Variants in AGBL1 observed in about 807,000 individuals in gnomAD.
The protein encoded by AGBL1 is cytosolic carboxypeptidase 4.
Under a neutral mutation model 118.9 loss-of-function variants are expected in AGBL1, and 130 were observed. The observed-to-expected ratio is 1.09, with a 90% CI of 0.95 to 1.26. AGBL1 has a LOEUF of 1.26. AGBL1 is among the 50% of genes most tolerant of loss of function. The pLI is 0.00. For synonymous variants in AGBL1, 555 were observed against 478.9 expected (o/e 1.16, Z -2.08); for missense variants, 1,584 against 1,298.1 (o/e 1.22, Z -3.38).
chr15:86,093,076 A>G (rs151270424), intron 1 of AGBL1, among the ~76,000 whole-genome samples: 1 of 152,142 alleles, frequency 6.6e-6, no homozygotes, highest in Non-Finnish European at 1.5e-5. Context: ...CTCATCTAGG[A>G]TAACAAGAAC....
intron 19 of AGBL1, among the ~76,000 whole-genome samples, chr15:86,536,503 G>A (rs777740937): frequency 3.3e-5 from 5 of 152,118 alleles, no homozygotes; most frequent in Admixed American, 6.6e-5. Context: ...TAGAAACGGG[G>A]TTTCACCATG....
chr15:86,422,367 A>G (rs1175665694), intron 18 of AGBL1, among the ~76,000 whole-genome samples: 2 of 152,222 alleles, frequency 1.3e-5, no homozygotes, highest in Non-Finnish European at 2.9e-5. Flanking sequence ...TAACAAAAGT[A>G]AGGCAGAAAT....
chr15:86,683,489 T>G (rs12907962), intron 22 of AGBL1, among the ~76,000 whole-genome samples: 131,973 of 151,734 alleles, frequency 0.87, 57,681 homozygotes, highest in Middle Eastern at 0.93. Context: ...TAACCTAAAA[T>G]AATGCCTATT....
chr15:86,134,283 G>A (rs1341689390), intron 1 of AGBL1, among the ~76,000 whole-genome samples: 1 of 152,182 alleles, frequency 6.6e-6, no homozygotes, highest in Non-Finnish European at 1.5e-5. Context: ...CTGCATGACT[G>A]GAAGAACAAA....
At chr15:86,335,767 G>T (rs565303939) in intron 17 of AGBL1, among the ~76,000 whole-genome samples, 64 of 152,320 alleles carry the variant, frequency 4.2e-4, no homozygotes, top group African/African-American at 1.4e-3. Context: ...AAAGGAAACT[G>T]TAAGAAATGA....
intron 3 of AGBL1, among the ~76,000 whole-genome samples, chr15:86,147,843 C>T (rs2077053289): frequency 6.6e-6 from 1 of 152,220 alleles, no homozygotes; most frequent in African/African-American, 2.4e-5. Context: ...AACTGGGAGA[C>T]ACCTCCCAGT....
intron 17 of AGBL1, among the ~76,000 whole-genome samples, chr15:86,324,388 T>G (rs2080152470): frequency 6.6e-6 from 1 of 152,150 alleles, no homozygotes; most frequent in African/African-American, 2.4e-5. Flanking sequence ...GTGTTTCCCA[T>G]TATGGTGGAG....
At chr15:86,307,556 G>A (rs2079858898) in intron 17 of AGBL1, among the ~76,000 whole-genome samples, 1 of 152,024 alleles carries the variant, frequency 6.6e-6, no homozygotes, top group South Asian at 2.1e-4. Context: ...GGGAATAAAA[G>A]TGATGTGCCT....
At chr15:86,432,378 C>T (rs973901231) in intron 18 of AGBL1, among the ~76,000 whole-genome samples, 3 of 152,046 alleles carry the variant, frequency 2.0e-5, no homozygotes, top group Admixed American at 6.6e-5. Context: ...TTGATGACTT[C>T]GATAGTTTTG....
At chr15:86,337,203 A>G (rs2141874459) in intron 17 of AGBL1, among the ~76,000 whole-genome samples, 1 of 152,202 alleles carries the variant, frequency 6.6e-6, no homozygotes, top group East Asian at 1.9e-4. Context: ...CTGAGTTGCT[A>G]TTTGATTCTC....
chr15:86,628,511 T>C (rs115787800), intron 21 of AGBL1, among the ~76,000 whole-genome samples: 2,813 of 152,246 alleles, frequency 0.018, 103 homozygotes, highest in African/African-American at 0.064. Flanking sequence ...TTAAAAAAAT[T>C]TTTGGCTGGG....
intron 18 of AGBL1, among the ~76,000 whole-genome samples, chr15:86,444,112 A>C (rs71399831): frequency 6.6e-6 from 1 of 152,164 alleles, no homozygotes; most frequent in Non-Finnish European, 1.5e-5. Flanking sequence ...CCTTGCCAGC[A>C]CTTGATATCT....
At chr15:86,820,486 A>C (rs1472077043) in intron 22 of AGBL1, among the ~76,000 whole-genome samples, 1 of 152,190 alleles carries the variant, frequency 6.6e-6, no homozygotes, top group Non-Finnish European at 1.5e-5. Flanking sequence ...ACAAATTTAC[A>C]TGAAAAAACA....
At chr15:86,283,784 T>C (rs1039649073) in intron 16 of AGBL1, among the ~76,000 whole-genome samples, 4 of 152,098 alleles carry the variant, frequency 2.6e-5, no homozygotes, top group Non-Finnish European at 4.4e-5. Flanking sequence ...TGGAAAGCCA[T>C]TCTGAAGAAG....
intron 22 of AGBL1, among the ~76,000 whole-genome samples, chr15:86,816,557 A>G (rs2078860973): frequency 6.6e-6 from 1 of 152,252 alleles, no homozygotes; most frequent in Admixed American, 6.5e-5. Flanking sequence ...TGACAGGTAA[A>G]AATAGTGAGT....
At chr15:86,622,331 A>C (rs1175731290) in intron 21 of AGBL1, among the ~76,000 whole-genome samples, 1 of 110,900 alleles carries the variant, frequency 9.0e-6, no homozygotes, top group Non-Finnish European at 1.6e-5. Flanking sequence ...ACTCCATCTC[A>C]AAAAAAAAAA....
intron 5 of AGBL1, among the ~76,000 whole-genome samples, chr15:86,191,169 C>A (rs1407389995): frequency 6.6e-6 from 1 of 150,680 alleles, no homozygotes; most frequent in Non-Finnish European, 1.5e-5. Flanking sequence ...ATGGTGAAAC[C>A]CCCCCTCCCT....
At chr15:86,866,692 A>G (rs988465573) in intron 22 of AGBL1, among the ~76,000 whole-genome samples, 2 of 152,182 alleles carry the variant, frequency 1.3e-5, no homozygotes, top group African/African-American at 4.8e-5. Flanking sequence ...CGTCTCTACT[A>G]AAAACACAAA....
chr15:86,995,428 A>G (rs1210968556), intron 24 of AGBL1, among the ~76,000 whole-genome samples: 2 of 152,174 alleles, frequency 1.3e-5, no homozygotes, highest in African/African-American at 4.8e-5. Context: ...GCACTAAGGT[A>G]CATAGAAGTT....
Sources: gnomAD v4.1 joint callset for allele counts (sites outside exome capture counted in the v4.1 genomes callset) on GRCh38, gnomAD v4.1.1 for gene constraint, MANE v1.5 for transcripts, NCBI Gene and HGNC (gene_info 2026-07-23, HGNC 2026-07-21) for gene names.